The following CNTN5 variants were observed in gnomAD, a reference collection of about 807,000 sequenced individuals.
The protein encoded by CNTN5 is contactin-5.
In CNTN5, 77 loss-of-function variants were observed where a neutral mutation model predicts 129.1. That is an observed-to-expected ratio of 0.60 (90% confidence interval 0.50 to 0.72). The LOEUF is 0.72. Ranked by LOEUF, CNTN5 falls within the 30% of genes least tolerant of loss-of-function variation. CNTN5 has a pLI of 0.00. For synonymous variants in CNTN5, 509 were observed against 465.6 expected (o/e 1.09, Z -1.20); for missense variants, 1,478 against 1,328.8 (o/e 1.11, Z -1.75).
chr11:99,926,644 G>A (rs796887707), intron 7 of CNTN5, among the ~76,000 whole-genome samples: 34 of 152,124 alleles, frequency 2.2e-4, no homozygotes, highest in African/African-American at 7.9e-4. Flanking sequence ...GATACTCCTT[G>A]CTTCAAAATT....
At chr11:99,346,027 G>T (rs1423706827) in intron 2 of CNTN5, among the ~76,000 whole-genome samples, 1 of 152,116 alleles carries the variant, frequency 6.6e-6, no homozygotes, top group Non-Finnish European at 1.5e-5. Flanking sequence ...TTCACACCAT[G>T]CTAACATAAT....
intron 1 of CNTN5, among the ~76,000 whole-genome samples, chr11:99,303,110 T>A (rs1864716702): frequency 6.6e-6 from 1 of 151,794 alleles, no homozygotes; most frequent in Non-Finnish European, 1.5e-5. Flanking sequence ...AACCATAAAG[T>A]TTTATGCATC....
intron 2 of CNTN5, among the ~76,000 whole-genome samples, chr11:99,475,782 T>C (rs961360785): frequency 6.6e-6 from 1 of 152,092 alleles, no homozygotes; most frequent in Non-Finnish European, 1.5e-5. Context: ...TTTTGTCTAA[T>C]GCTTTTTTTT....
chr11:99,439,425 T>C (rs981749356), intron 2 of CNTN5, among the ~76,000 whole-genome samples: 9 of 151,878 alleles, frequency 5.9e-5, no homozygotes, highest in Admixed American at 6.6e-5. Context: ...TAGAAATACA[T>C]AGACAGGCGC....
At chr11:99,026,802 A>C (rs919345046) in intron 1 of CNTN5, among the ~76,000 whole-genome samples, 1 of 151,646 alleles carries the variant, frequency 6.6e-6, no homozygotes, top group African/African-American at 2.4e-5. Flanking sequence ...TTTGAAGATC[A>C]GAGCTTTTTA....
chr11:99,426,748 T>C (rs1273220387), intron 2 of CNTN5, among the ~76,000 whole-genome samples: 1 of 152,210 alleles, frequency 6.6e-6, no homozygotes, highest in African/African-American at 2.4e-5. Flanking sequence ...TGAATAGTTC[T>C]AATTTGTGGC....
intron 3 of CNTN5, among the ~76,000 whole-genome samples, chr11:99,680,857 G>A (rs1953520048): frequency 6.6e-6 from 1 of 151,256 alleles, no homozygotes; most frequent in Admixed American, 6.6e-5. Context: ...TTCTGCTGAT[G>A]TTCTTATGCA....
chr11:99,399,485 C>A (rs1354316768), intron 2 of CNTN5, among the ~76,000 whole-genome samples: 1 of 151,488 alleles, frequency 6.6e-6, no homozygotes, highest in Non-Finnish European at 1.5e-5. Flanking sequence ...TAAAGTTTTA[C>A]AAAACATGTA....
At chr11:99,957,391 G>A (rs34080263) in intron 8 of CNTN5, among the ~76,000 whole-genome samples, 10,509 of 152,116 alleles carry the variant, frequency 0.069, 416 homozygotes, top group Non-Finnish European at 0.081. Context: ...TATTTTAGCT[G>A]CCTTCAAATT....
chr11:99,210,777 A>C (rs892404313), intron 1 of CNTN5, among the ~76,000 whole-genome samples: 4 of 152,134 alleles, frequency 2.6e-5, no homozygotes, highest in African/African-American at 7.2e-5. Flanking sequence ...TTTCTTGGAC[A>C]GCTTTTGTTT....
intron 1 of CNTN5, among the ~76,000 whole-genome samples, chr11:99,064,934 A>G (rs553873513): frequency 6.6e-6 from 1 of 152,106 alleles, no homozygotes; most frequent in East Asian, 1.9e-4. Context: ...TAATTTAGTA[A>G]TATTAAAATG....
intron 16 of CNTN5, among the ~76,000 whole-genome samples, chr11:100,230,586 G>T (rs1425943794): frequency 6.6e-6 from 1 of 152,146 alleles, no homozygotes; most frequent in Non-Finnish European, 1.5e-5. Flanking sequence ...AAAGCAGTTT[G>T]CATGCATGTA....
At chr11:99,715,604 A>T (rs1395449558) in intron 3 of CNTN5, among the ~76,000 whole-genome samples, 2 of 152,000 alleles carry the variant, frequency 1.3e-5, no homozygotes, top group African/African-American at 2.4e-5. Flanking sequence ...AATGTCTAGG[A>T]TGATGTTGCA....
At chr11:100,126,978 G>A (rs901160882) in intron 13 of CNTN5, among the ~76,000 whole-genome samples, 2 of 151,854 alleles carry the variant, frequency 1.3e-5, no homozygotes, top group African/African-American at 4.8e-5. Flanking sequence ...GGAGTGCAGT[G>A]GCATGATCAT....
At chr11:99,993,579 T>G (rs886669314) in intron 8 of CNTN5, among the ~76,000 whole-genome samples, 3 of 152,076 alleles carry the variant, frequency 2.0e-5, no homozygotes, top group Non-Finnish European at 4.4e-5. Flanking sequence ...GCATGCACAG[T>G]TCACAACAGG....
intron 3 of CNTN5, among the ~76,000 whole-genome samples, chr11:99,641,109 G>C (rs1364920397): frequency 1.3e-5 from 2 of 152,182 alleles, no homozygotes; most frequent in East Asian, 3.9e-4. Context: ...GGCAAAGTTG[G>C]GAGAAACAGA....
At chr11:99,681,830 CAT>C (rs1453780458) in intron 3 of CNTN5, among the ~76,000 whole-genome samples, 1 of 151,936 alleles carries the variant, frequency 6.6e-6, no homozygotes, top group Non-Finnish European at 1.5e-5. Context: ...AACTCCAAAA[CAT>C]ATCTTAGTGA....
intron 2 of CNTN5, among the ~76,000 whole-genome samples, chr11:99,442,947 TC>T (rs1468588190): frequency 6.6e-6 from 1 of 152,222 alleles, no homozygotes; most frequent in Non-Finnish European, 1.5e-5. Context: ...TATACATGTC[TC>T]CTTGCCTATA....
At chr11:99,740,737 T>C (rs1943863429) in intron 3 of CNTN5, among the ~76,000 whole-genome samples, 1 of 152,162 alleles carries the variant, frequency 6.6e-6, no homozygotes, top group African/African-American at 2.4e-5. Context: ...ATTTGCTGGA[T>C]ATGCATGAAA....
Sources: gnomAD v4.1 joint callset for allele counts (sites outside exome capture counted in the v4.1 genomes callset) on GRCh38, gnomAD v4.1.1 for gene constraint, MANE v1.5 for transcripts, NCBI Gene and HGNC (gene_info 2026-07-23, HGNC 2026-07-21) for gene names.